The following KCNH8 variants were observed in gnomAD, a reference collection of about 807,000 sequenced individuals.
KCNH8 encodes the protein voltage-gated delayed rectifier potassium channel KCNH8.
In KCNH8, 70 loss-of-function variants were observed where a neutral mutation model predicts 103.6. That is an observed-to-expected ratio of 0.68 (90% CI 0.56 to 0.82). The LOEUF is 0.82. Ranked by LOEUF, KCNH8 falls within the 40% of genes least tolerant of loss-of-function variation. The pLI, the probability that KCNH8 is intolerant of heterozygous loss-of-function variation, is 0.00. For missense variants in KCNH8, 1,217 were observed against 1,329.9 expected, an observed-to-expected ratio of 0.92 and a Z score of 1.32; for synonymous variants, 498 against 489.4, an observed-to-expected ratio of 1.02 and a Z score of -0.23.
chr3:19,186,180 T>G (rs921293005), intron 1 of KCNH8, among the ~76,000 whole-genome samples: 1 of 151,788 alleles, frequency 6.6e-6, no homozygotes, highest in East Asian at 1.9e-4. Context: ...GTAAGTCTAC[T>G]GAATCACCTC....
chr3:19,443,770 T>A (rs1302622889), intron 8 of KCNH8, among the ~76,000 whole-genome samples: 8 of 151,920 alleles, frequency 5.3e-5, no homozygotes, highest in Admixed American at 2.6e-4. Flanking sequence ...TATATACTAG[T>A]AACAAATTAG....
chr3:19,203,715 G>C (rs2063686044), intron 1 of KCNH8, among the ~76,000 whole-genome samples: 1 of 151,902 alleles, frequency 6.6e-6, no homozygotes, highest in South Asian at 2.1e-4. Context: ...GTACATAAAG[G>C]TGTGCAAAAA....
chr3:19,466,463 T>C (rs1355152023), intron 11 of KCNH8, among the ~76,000 whole-genome samples: 1 of 152,076 alleles, frequency 6.6e-6, no homozygotes, highest in Admixed American at 6.6e-5. Flanking sequence ...ATGAAAGGAA[T>C]AGTCCAATTG....
chr3:19,316,228 G>A (rs2065272086), intron 3 of KCNH8, among the ~76,000 whole-genome samples: 1 of 151,728 alleles, frequency 6.6e-6, no homozygotes, highest in Non-Finnish European at 1.5e-5. Flanking sequence ...TTGTTGTGGG[G>A]GACTGTCTTG....
intron 7 of KCNH8, among the ~76,000 whole-genome samples, chr3:19,434,320 C>T (rs983091774): frequency 1.3e-5 from 2 of 152,206 alleles, no homozygotes; most frequent in African/African-American, 4.8e-5. Context: ...AAGCTTTTCT[C>T]TGATATTTGC....
At chr3:19,481,645 A>G (rs999906801) in intron 11 of KCNH8, among the ~76,000 whole-genome samples, 7 of 152,212 alleles carry the variant, frequency 4.6e-5, no homozygotes, top group African/African-American at 1.7e-4. Flanking sequence ...TCACATTTCC[A>G]GAAAAATCTA....
At chr3:19,452,443 T>C (rs2067463462) in intron 10 of KCNH8, among the ~76,000 whole-genome samples, 1 of 152,098 alleles carries the variant, frequency 6.6e-6, no homozygotes, top group Non-Finnish European at 1.5e-5. Context: ...ATTGAGGACT[T>C]ATGAATGAAT....
rs1407135753 is a variant in KCNH8, at chr3:19,451,848, A to G, written c.1825+444A>G. 4.6e-5 allele frequency among the ~76,000 whole-genome samples: 7 copies of G among 152,164 alleles called. No individual in the cohort carries two copies. The East Asian group carries it at 1.3e-3, about 29-fold the overall frequency. Reference sequence around the variant, plus strand: ...TACTAGAAATAGAGCAAAGGTGACTATGTTTCAAGAAAAAGCTCTCATAGC... The same window carrying G: ...TACTAGAAATAGAGCAAAGGTGACTGTGTTTCAAGAAAAAGCTCTCATAGC... On this transcript the variant is annotated intron_variant, in intron 10 of 15. Coordinates refer to ENST00000328405, the MANE Select transcript of KCNH8 (RefSeq NM_144633.3).
At chr3:19,529,477 A>C (rs2069123833) in intron 15 of KCNH8, among the ~76,000 whole-genome samples, 1 of 152,124 alleles carries the variant, frequency 6.6e-6, no homozygotes, top group Non-Finnish European at 1.5e-5. Flanking sequence ...TTTTTTAGCA[A>C]ATGCATGTCT....
rs765411208 is a variant in KCNH8, at chr3:19,395,326, T to C, written c.1177+15T>C. ...GTGGGAAGTTGGTAAGGGCTTACAT[T>C]TGTCACATTTTCCATTTTTTAATTT... On this transcript the variant is annotated intron_variant, in intron 7 of 15. Transcript: ENST00000328405. The C allele has an allele frequency of 1.9e-6, 3 of 1,567,028 alleles. No homozygotes were observed. The African/African-American group carries it at 4.1e-5, about 21-fold the overall frequency.
intron 11 of KCNH8, among the ~76,000 whole-genome samples, chr3:19,504,550 C>T (rs2068654159): frequency 6.6e-6 from 1 of 152,038 alleles, no homozygotes; most frequent in African/African-American, 2.4e-5. Context: ...CAAAAAAAGA[C>T]CTACAAGTGG....
chr3:19,520,739 G>A (rs1013224555), intron 15 of KCNH8, among the ~76,000 whole-genome samples: 4 of 151,806 alleles, frequency 2.6e-5, no homozygotes, highest in Non-Finnish European at 4.4e-5. Flanking sequence ...ACCACCAAAA[G>A]GACAACCGAA....
intron 8 of KCNH8, among the ~76,000 whole-genome samples, chr3:19,440,964 A>T (rs1441507707): frequency 6.6e-6 from 1 of 151,968 alleles, no homozygotes; most frequent in Non-Finnish European, 1.5e-5. Flanking sequence ...ACTCTGCAAA[A>T]CTCATTCTTC....
At chr3:19,454,490 C>T (rs1164366945) in intron 10 of KCNH8, among the ~76,000 whole-genome samples, 1 of 151,978 alleles carries the variant, frequency 6.6e-6, no homozygotes, top group Non-Finnish European at 1.5e-5. Flanking sequence ...ATGCAGCATT[C>T]TAAACAGACA....
intron 2 of KCNH8, 67 bp from the exon 3 acceptor site, chr3:19,281,131 T>C: frequency 4.6e-6 from 7 of 1,514,282 alleles, no homozygotes; most frequent in Non-Finnish European, 4.5e-6. Context: ...TTATTGATGA[T>C]TGAGATTTCC....
chr3:19,397,444 G>A lies in KCNH8; in HGVS notation c.1177+2133G>A, dbSNP rs140841985. 9.1e-3 allele frequency among the ~76,000 whole-genome samples: 1,373 copies of A among 151,384 alleles called. 20 individuals carry two copies. The highest frequency in any genetic ancestry group is 0.031 in the African/African-American group (1,278 of 41,294). ...TTTGAAAGTCTATTTCTGGTTTCAT[G>A]AGTAATGATTATCAAGAATAAACAA... On this transcript the variant is annotated intron_variant, in intron 7 of 15. Coordinates refer to ENST00000328405, the MANE Select transcript of KCNH8 (RefSeq NM_144633.3).
chr3:19,386,935 T>C (rs1395306935), intron 5 of KCNH8, among the ~76,000 whole-genome samples: 2 of 152,154 alleles, frequency 1.3e-5, no homozygotes, highest in Non-Finnish European at 2.9e-5. Context: ...TCTAGAAAGC[T>C]CTTTTCTTCC....
At chr3:19,401,176 C>G (rs2066607713) in intron 7 of KCNH8, among the ~76,000 whole-genome samples, 1 of 151,872 alleles carries the variant, frequency 6.6e-6, no homozygotes, top group Non-Finnish European at 1.5e-5. Flanking sequence ...AGTCAAGACC[C>G]TCCTTTTTTA....
chr3:19,423,279 TA>T (rs536106998), intron 7 of KCNH8, among the ~76,000 whole-genome samples: 58 of 152,216 alleles, frequency 3.8e-4, no homozygotes, highest in African/African-American at 1.4e-3. Flanking sequence ...TATTTCTTTT[TA>T]TTTATATTTT....
Sources: allele counts gnomAD v4.1 joint callset (sites outside exome capture counted in the v4.1 genomes callset), GRCh38; gene constraint gnomAD v4.1.1; transcripts MANE v1.5; gene names NCBI Gene and HGNC (gene_info 2026-07-23, HGNC 2026-07-21).